GABBR2: variants seen among roughly 807,000 people sequenced by gnomAD.
GABBR2 encodes G-protein coupled receptor 51.
A neutral mutation model predicts 105.6 loss-of-function variants in GABBR2; 23 were observed. The ratio of observed to expected loss-of-function variants is 0.22; its 90% CI spans 0.16 to 0.31. GABBR2 has a LOEUF of 0.31. Among genes scored for constraint, GABBR2 ranks in the 10% least tolerant of loss-of-function variants. The pLI, the probability that GABBR2 is intolerant of heterozygous loss-of-function variation, is 1.00. For missense variants in GABBR2, 734 were observed against 1,245.5 expected, an observed-to-expected ratio of 0.59 and a Z score of 6.18; for synonymous variants, 478 against 499.7, an observed-to-expected ratio of 0.96 and a Z score of 0.58.
chr9:98,398,849 C>T (rs974102978), intron 8 of GABBR2, among the ~76,000 whole-genome samples: 2 of 152,134 alleles, frequency 1.3e-5, no homozygotes, highest in South Asian at 4.1e-4. Context: ...AGTTAACTGA[C>T]CTTTGTTTTG....
At chr9:98,539,694 G>A (rs1434193137) in intron 3 of GABBR2, among the ~76,000 whole-genome samples, 1 of 152,120 alleles carries the variant, frequency 6.6e-6, no homozygotes, top group South Asian at 2.1e-4. Flanking sequence ...GAGGTGAGCA[G>A]ATCAAGAGGT....
intron 1 of GABBR2, among the ~76,000 whole-genome samples, chr9:98,674,062 G>A (rs967063034): frequency 1.3e-5 from 2 of 152,156 alleles, no homozygotes; most frequent in Non-Finnish European, 2.9e-5. Context: ...GCACAGTTCA[G>A]GCTGTGTGGT....
intron 4 of GABBR2, among the ~76,000 whole-genome samples, chr9:98,481,430 G>A (rs539689973): frequency 3.9e-5 from 6 of 152,342 alleles, no homozygotes; most frequent in African/African-American, 1.4e-4. Flanking sequence ...CCCCTGGGGA[G>A]TTTGTGGCAG....
intron 7 of GABBR2, among the ~76,000 whole-genome samples, chr9:98,433,128 T>C (rs1235719979): frequency 1.3e-5 from 2 of 152,226 alleles, no homozygotes; most frequent in Admixed American, 6.5e-5. Context: ...ATGGAATTAC[T>C]AGATTGGAGG....
At chr9:98,384,868 T>C (rs953019671) in intron 11 of GABBR2, among the ~76,000 whole-genome samples, 8 of 152,188 alleles carry the variant, frequency 5.3e-5, no homozygotes, top group Admixed American at 4.6e-4. Flanking sequence ...ACATTTCTGG[T>C]ATTAAACTTT....
At chr9:98,655,411 G>T (rs528041668) in intron 1 of GABBR2, among the ~76,000 whole-genome samples, 101 of 152,208 alleles carry the variant, frequency 6.6e-4, no homozygotes, top group Non-Finnish European at 1.3e-3. Context: ...GAAAAGAAAA[G>T]GTACAGAAGC....
chr9:98,406,063 A>T lies in GABBR2; in HGVS notation c.1297+18T>A. On this transcript the variant is annotated intron_variant, in intron 8 of 18. Coordinates refer to ENST00000259455, the MANE Select transcript of GABBR2 (RefSeq NM_005458.8). ...CTAAATTTTATCAGCTAGAAAGAAT[A>T]AGCATCAAAATGCCTACCTTGAAAT... The T allele has an allele frequency of 7.4e-7, 1 of 1,346,726 alleles. No homozygotes were observed. The highest frequency in any genetic ancestry group is 1.1e-6 in the Non-Finnish European group (1 of 939,572). 83.4% of individuals were successfully genotyped at this position (1,346,726 alleles called of 1,614,324 possible).
In GABBR2 at chr9:98,293,717, T is replaced by C. The variant is rs147648605; in HGVS notation, c.2660+68A>G. 1.6e-4 allele frequency: 135 copies of C among 850,888 alleles called. No individual in the cohort carries two copies. In the African/African-American group the frequency reaches 2.1e-3, roughly 13 times the overall value. The allele number at this position is 850,888 out of a possible 1,614,324, so 52.7% of individuals were successfully genotyped here. On this transcript the variant is annotated intron_variant, in intron 18 of 18. Transcript: ENST00000259455. ...AATGGATGTGAAAACATCGTGCAAA[T>C]TGCAAACTCTTGTGCAGGAGTGACG... is the stretch of plus-strand genomic sequence containing the variant.
chr9:98,297,261 T>C (rs1588086147), intron 17 of GABBR2, among the ~76,000 whole-genome samples: 1 of 152,358 alleles, frequency 6.6e-6, no homozygotes, highest in South Asian at 2.1e-4. Flanking sequence ...AACCATGTTA[T>C]ATAATATTAA....
chr9:98,706,601 G>A (rs985950246), intron 1 of GABBR2, among the ~76,000 whole-genome samples: 3 of 152,144 alleles, frequency 2.0e-5, no homozygotes, highest in African/African-American at 7.2e-5. Flanking sequence ...ACCCTGAAAC[G>A]AAGCACCCAT....
intron 1 of GABBR2, among the ~76,000 whole-genome samples, chr9:98,610,471 G>C (rs1031908067): frequency 1.3e-5 from 2 of 152,246 alleles, no homozygotes; most frequent in African/African-American, 4.8e-5. Flanking sequence ...TATGGTAAAA[G>C]AGGGAATATT....
intron 1 of GABBR2, among the ~76,000 whole-genome samples, chr9:98,591,079 T>C (rs977010781): frequency 6.6e-6 from 1 of 152,106 alleles, no homozygotes; most frequent in African/African-American, 2.4e-5. Context: ...CAGGGCAGGA[T>C]AGAAGTGGGA....
intron 8 of GABBR2, among the ~76,000 whole-genome samples, chr9:98,395,291 C>G (rs544102014): frequency 3.3e-5 from 5 of 152,064 alleles, no homozygotes; most frequent in African/African-American, 1.2e-4. Context: ...AGCAGAGAAC[C>G]CAGGAGGGCT....
intron 13 of GABBR2, among the ~76,000 whole-genome samples, chr9:98,330,618 A>G (rs1831007390): frequency 1.3e-5 from 2 of 152,332 alleles, no homozygotes; most frequent in South Asian, 4.1e-4. Flanking sequence ...AATATAGTGC[A>G]TCATGCTCCA....
intron 6 of GABBR2, among the ~76,000 whole-genome samples, chr9:98,458,046 T>G (rs1205182439): frequency 6.6e-6 from 1 of 152,226 alleles, no homozygotes; most frequent in African/African-American, 2.4e-5. Context: ...TTGTTGGAAC[T>G]TGGAACATAT....
chr9:98,511,910 G>T (rs997230303), intron 3 of GABBR2, among the ~76,000 whole-genome samples: 3 of 152,172 alleles, frequency 2.0e-5, no homozygotes, highest in African/African-American at 7.2e-5. Context: ...CATTTTATGA[G>T]GCCAACATCA....
chr9:98,518,244 C>G (rs11789322), intron 3 of GABBR2, among the ~76,000 whole-genome samples: 17,276 of 152,204 alleles, frequency 0.11, 1,655 homozygotes, highest in East Asian at 0.5. Flanking sequence ...ATTGCCTCTG[C>G]CTAAAGTACT....
At chr9:98,591,809 A>C (rs1282261585) in intron 1 of GABBR2, among the ~76,000 whole-genome samples, 1 of 152,104 alleles carries the variant, frequency 6.6e-6, no homozygotes. Flanking sequence ...TGTCAGGCAT[A>C]GGATATGAGC....
chr9:98,688,056 G>C (rs1175530484), intron 1 of GABBR2, among the ~76,000 whole-genome samples: 1 of 152,150 alleles, frequency 6.6e-6, no homozygotes, highest in African/African-American at 2.4e-5. Flanking sequence ...CTGAGCAGCA[G>C]ACCTCAGCTC....
Sources: allele counts gnomAD v4.1 joint callset (sites outside exome capture counted in the v4.1 genomes callset), GRCh38; gene constraint gnomAD v4.1.1; transcripts MANE v1.5; gene names NCBI Gene and HGNC (gene_info 2026-07-23, HGNC 2026-07-21).